The following AQR variants were observed in gnomAD, a reference collection of about 807,000 sequenced individuals.
AQR encodes the protein aquarius intron-binding spliceosomal factor.
A neutral mutation model predicts 180.5 loss-of-function variants in AQR; 61 were observed. The ratio of observed to expected loss-of-function variants is 0.34; its 90% CI spans 0.28 to 0.42. The LOEUF is 0.42. AQR is among the 10% of genes least tolerant of loss of function. The pLI is 1.00. For synonymous variants in AQR, 551 were observed against 588.8 expected, an observed-to-expected ratio of 0.94 and a Z score of 0.93; for missense variants, 1,281 against 1,798.3, an observed-to-expected ratio of 0.71 and a Z score of 5.20.
chr15:34,892,848 TAAACA>T (rs1893171476), intron 23 of AQR, among the ~76,000 whole-genome samples: 1 of 152,200 alleles, frequency 6.6e-6, no homozygotes, highest in African/African-American at 2.4e-5. Flanking sequence ...ATAAGAGTGA[TAAACA>T]GAATGGTTGT....
At position 34,906,630 on chromosome 15, in the gene AQR, A is replaced by G; in HGVS notation, c.1746T>C (p.Pro582=). 2 of 1,614,122 alleles carry G rather than the reference A, an allele frequency of 1.2e-6. No individual in the cohort carries two copies. The highest frequency in any genetic ancestry group is 2.2e-5 in the East Asian group (1 of 44,872). ...AAACCAGGCCAACCTGCTCAATAAA[A>G]GGTCTCCTCCGGTCAAACTTAGTGC... ...PYGTKFDRRR[P]FIEQVGLVYV... The change falls in exon 18 of 35, where the codon CCT becomes CCC. Residue 582 remains proline (P), a synonymous_variant. Transcript: ENST00000156471.
At chr15:34,930,190 A>G (rs1893831284) in intron 12 of AQR, 68 bp downstream of exon 12, 1 of 949,178 alleles carries the variant, frequency 1.1e-6, no homozygotes, top group African/African-American at 1.6e-5. Context: ...CTGTACCTAT[A>G]CAAAACCTAA....
At chr15:34,857,681 T>C (rs1275829651) in intron 34 of AQR, among the ~76,000 whole-genome samples, 1 of 151,962 alleles carries the variant, frequency 6.6e-6, no homozygotes, top group Non-Finnish European at 1.5e-5. Context: ...ACCCTGTGAG[T>C]TGGAGGTTGC....
intron 1 of AQR, among the ~76,000 whole-genome samples, chr15:34,968,512 C>T (rs1421826873): frequency 6.6e-6 from 1 of 152,064 alleles, no homozygotes; most frequent in Non-Finnish European, 1.5e-5. Context: ...CCCGCCTCGG[C>T]CTCCCAAAGT....
At chr15:34,919,076 T>C (rs1595797125) in intron 14 of AQR, among the ~76,000 whole-genome samples, 1 of 151,790 alleles carries the variant, frequency 6.6e-6, no homozygotes, top group South Asian at 2.1e-4. Flanking sequence ...CCATCTCTAC[T>C]AAAAATACAA....
intron 19 of AQR, among the ~76,000 whole-genome samples, chr15:34,902,169 T>C (rs1049342523): frequency 6.6e-6 from 1 of 152,068 alleles, no homozygotes; most frequent in African/African-American, 2.4e-5. Flanking sequence ...TCATCATGAA[T>C]AGAAAGTCAA....
chr15:34,962,145 C>T (rs2050283142), intron 2 of AQR, among the ~76,000 whole-genome samples: 1 of 151,666 alleles, frequency 6.6e-6, no homozygotes, highest in South Asian at 2.1e-4. Flanking sequence ...CCGCAGCCTC[C>T]CAAATAGCTG....
intron 16 of AQR, among the ~76,000 whole-genome samples, chr15:34,914,497 C>T (rs1893550534): frequency 6.6e-6 from 1 of 152,148 alleles, no homozygotes; most frequent in African/African-American, 2.4e-5. Context: ...CTTTCTTCCA[C>T]AGAATCTATG....
chr15:34,948,455 A>G, intron 4 of AQR, 71 bp from the exon 5 acceptor site: 1 of 1,504,044 alleles, frequency 6.6e-7, no homozygotes, highest in South Asian at 1.3e-5. Context: ...ACTCACCCAG[A>G]AAAGCATAAT....
intron 9 of AQR, among the ~76,000 whole-genome samples, chr15:34,936,893 A>C (rs1392476366): frequency 6.6e-6 from 1 of 152,192 alleles, no homozygotes; most frequent in African/African-American, 2.4e-5. Context: ...TTAGTTCTAT[A>C]GACGTTAGTA....
chr15:34,906,056 C>A (rs2140478881), intron 18 of AQR, among the ~76,000 whole-genome samples: 1 of 151,800 alleles, frequency 6.6e-6, no homozygotes, highest in Non-Finnish European at 1.5e-5. Context: ...AGAAAAAGAT[C>A]CTGTCCTTTC....
intron 29 of AQR, chr15:34,874,352 C>T (rs1227934417): frequency 1.5e-5 from 5 of 339,156 alleles, no homozygotes; most frequent in Non-Finnish European, 2.6e-5. Context: ...GTGTGTTCTC[C>T]TCTTGTTCAC....
chr15:34,897,844 ACT>A, intron 20 of AQR, 139 bp from the exon 21 acceptor site: 1 of 938,874 alleles, frequency 1.1e-6, no homozygotes, highest in Non-Finnish European at 1.6e-6. Context: ...CTGTATGTAA[ACT>A]CTGAAAATGG....
intron 14 of AQR, among the ~76,000 whole-genome samples, chr15:34,918,629 C>T (rs1279149387): frequency 6.6e-6 from 1 of 152,228 alleles, no homozygotes; most frequent in Non-Finnish European, 1.5e-5. Flanking sequence ...GGGCACGTTA[C>T]TTTAACCTTC....
intron 20 of AQR, among the ~76,000 whole-genome samples, chr15:34,900,118 C>T (rs753921281): frequency 2.0e-5 from 3 of 152,074 alleles, no homozygotes; most frequent in East Asian, 3.9e-4. Flanking sequence ...GTTTTGAATT[C>T]GTGGCCTCAA....
intron 27 of AQR, among the ~76,000 whole-genome samples, chr15:34,878,228 T>C (rs1892914196): frequency 1.3e-5 from 2 of 151,636 alleles, no homozygotes; most frequent in African/African-American, 2.4e-5. Flanking sequence ...TTACTAAAAA[T>C]ACAGTAAGTT....
intron 32 of AQR, among the ~76,000 whole-genome samples, chr15:34,866,102 TTCCTTGGTA>T (rs1217693049): frequency 6.6e-6 from 1 of 152,152 alleles, no homozygotes; most frequent in Non-Finnish European, 1.5e-5. Context: ...GGAAGTAGGT[TTCCTTGGTA>T]TCCTGAAACA....
At position 34,860,154 on chromosome 15, in the gene AQR, T is replaced by C. The variant is rs374409050; in HGVS notation, c.4031A>G (p.Asn1344Ser). The change falls in exon 34 of 35, where the codon AAT (asparagine) becomes AGT (serine). Residue 1344 changes from asparagine (N) to serine (S), a missense_variant and splice_region_variant. Transcript: ENST00000156471. ...PTEPFPTTRK[N>S]GERPSHEVQI... is the part of the protein sequence containing the mutation. ...TACTTCATGAGATGGTCTCTCTCCA[T>C]TCTAGAAGAAGGAAAAAAGAACGTT... The C allele has an allele frequency of 6.8e-7, 1 of 1,465,402 alleles. No individual in the cohort carries two copies. The highest frequency in any genetic ancestry group is 1.5e-5 in the South Asian group (1 of 67,962). The allele number at this position is 1,465,402 out of a possible 1,614,324, so 90.8% of individuals were successfully genotyped here.
rs550115631 is a variant in AQR, at chr15:34,900,647, G to C, written c.2218C>G (p.Pro740Ala). The C allele has an allele frequency of 6.2e-7, 1 of 1,613,980 alleles. No homozygotes were observed. The highest frequency in any genetic ancestry group is 1.1e-5 in the South Asian group (1 of 91,048). Reference sequence around the variant, plus strand: ...CTGAAAGGGGGTATTTGTAGAGCAGGGTCTTCTACAGTTACTTTAACATTA... The same window carrying C: ...CTGAAAGGGGGTATTTGTAGAGCAGCGTCTTCTACAGTTACTTTAACATTA... Reference protein sequence around the residue: ...GHNVKVTVEDPALQIPPFRIT... With the variant: ...GHNVKVTVEDAALQIPPFRIT... The change falls in exon 20 of 35, where the codon CCT becomes GCT. Residue 740 changes from proline to alanine, a missense_variant. Transcript: ENST00000156471.
Sources: allele counts gnomAD v4.1 joint callset (sites outside exome capture counted in the v4.1 genomes callset), GRCh38; gene constraint gnomAD v4.1.1; transcripts MANE v1.5; gene names NCBI Gene and HGNC (gene_info 2026-07-23, HGNC 2026-07-21).